NEGR1: variants seen among roughly 807,000 people sequenced by gnomAD.
NEGR1 encodes the protein neuronal growth regulator 1, also known as IgLON family member 4.
Under a neutral mutation model 40.9 loss-of-function variants are expected in NEGR1, and 10 were observed. The observed-to-expected ratio is 0.24, with a 90% confidence interval of 0.15 to 0.42. NEGR1 has a LOEUF of 0.42. Among genes scored for constraint, NEGR1 ranks in the 10% least tolerant of loss-of-function variants. The pLI is 1.00. For synonymous variants in NEGR1, 185 were observed against 166.8 expected, an observed-to-expected ratio of 1.11 and a Z score of -0.84; for missense variants, 352 against 438.9, an observed-to-expected ratio of 0.80 and a Z score of 1.77.
intron 1 of NEGR1, among the ~76,000 whole-genome samples, chr1:72,043,869 G>T (rs761073669): frequency 1.3e-5 from 2 of 151,730 alleles, no homozygotes; most frequent in Non-Finnish European, 2.9e-5. Context: ...GGATATTTTG[G>T]TTGGACTTCC....
chr1:71,636,912 T>C (rs949148083), intron 4 of NEGR1, among the ~76,000 whole-genome samples: 1 of 152,034 alleles, frequency 6.6e-6, no homozygotes, highest in Non-Finnish European at 1.5e-5. Context: ...GCCCAATACT[T>C]TGAAGTCACG....
At chr1:71,673,422 T>G (rs946330129) in intron 4 of NEGR1, among the ~76,000 whole-genome samples, 1 of 152,186 alleles carries the variant, frequency 6.6e-6, no homozygotes, top group African/African-American at 2.4e-5. Flanking sequence ...TGTCTGACAC[T>G]GAAGATACAC....
chr1:72,222,718 T>C (rs1654054590), intron 1 of NEGR1, among the ~76,000 whole-genome samples: 1 of 152,152 alleles, frequency 6.6e-6, no homozygotes, highest in Non-Finnish European at 1.5e-5. Context: ...CTTCAGAAGC[T>C]GAGGCAAAAA....
chr1:71,777,645 C>T (rs1201924723), intron 2 of NEGR1, among the ~76,000 whole-genome samples: 1 of 151,886 alleles, frequency 6.6e-6, no homozygotes, highest in Non-Finnish European at 1.5e-5. Context: ...TTTCTTTATG[C>T]AAGAGACATG....
intron 2 of NEGR1, among the ~76,000 whole-genome samples, chr1:71,852,186 A>G (rs1409444184): frequency 1.3e-5 from 2 of 152,170 alleles, no homozygotes; most frequent in South Asian, 2.1e-4. Flanking sequence ...TCAATGCTAC[A>G]TAATAAGAGA....
At chr1:71,636,634 G>C (rs1007828695) in intron 4 of NEGR1, among the ~76,000 whole-genome samples, 1 of 152,082 alleles carries the variant, frequency 6.6e-6, no homozygotes, top group Non-Finnish European at 1.5e-5. Flanking sequence ...TTATCAAATA[G>C]TATGCTGCAG....
intron 4 of NEGR1, among the ~76,000 whole-genome samples, chr1:71,623,264 T>A (rs909371542): frequency 3.0e-4 from 46 of 151,976 alleles, no homozygotes; most frequent in African/African-American, 1.1e-3. Flanking sequence ...ACAGAAAATA[T>A]GTTAAGCGAA....
rs1569850557 is a variant in NEGR1, at chr1:72,030,355, C to T, written c.177-95044G>A. Reference sequence around the variant, plus strand: ...TGGAGTAGCTGGGATTACAGGTGCCCACCACCATGCCCGGCTAATAACTAC... The same window carrying T: ...TGGAGTAGCTGGGATTACAGGTGCCTACCACCATGCCCGGCTAATAACTAC... On this transcript the variant is annotated intron_variant, in intron 1 of 6. Transcript: ENST00000357731. 3.3e-5 allele frequency among the ~76,000 whole-genome samples: 5 copies of T among 152,056 alleles called. No individual in the cohort carries two copies. The South Asian group carries it at 1.0e-3, about 32-fold the overall frequency.
intron 4 of NEGR1, among the ~76,000 whole-genome samples, chr1:71,678,788 T>A (rs1468979721): frequency 6.6e-6 from 1 of 152,132 alleles, no homozygotes; most frequent in Non-Finnish European, 1.5e-5. Context: ...CATGATGTAT[T>A]CAGAGTTTTT....
At position 71,400,354 on chromosome 1, in the gene NEGR1, A is replaced by G. The variant is rs1488008578; in HGVS notation, c.*7092T>C. ...CATTATCATAGTATTTGGTTGATGAATTATTGCTATCTCAACTGTTACTTC... is the reference window on the plus strand; with the variant it reads ...CATTATCATAGTATTTGGTTGATGAGTTATTGCTATCTCAACTGTTACTTC... On this transcript the variant is annotated 3_prime_UTR_variant, in exon 7 of 7. Coordinates refer to ENST00000357731, the MANE Select transcript of NEGR1 (RefSeq NM_173808.3). 2.6e-5 allele frequency: 4 copies of G among 152,054 alleles called. No individual in the cohort carries two copies. Among genetic ancestry groups the G allele is most frequent in the Non-Finnish European group, 4.4e-5 (3 of 68,006 alleles). 9.4% of individuals were successfully genotyped at this position (152,054 alleles called of 1,614,324 possible).
chr1:71,999,946 C>G (rs2100379088), intron 1 of NEGR1, among the ~76,000 whole-genome samples: 1 of 151,626 alleles, frequency 6.6e-6, no homozygotes. Context: ...CCATGCATAT[C>G]CATATTACAA....
intron 1 of NEGR1, among the ~76,000 whole-genome samples, chr1:71,949,206 G>T (rs1646047472): frequency 1.3e-5 from 2 of 152,094 alleles, no homozygotes; most frequent in Non-Finnish European, 2.9e-5. Flanking sequence ...TTGTGAGATG[G>T]ACTGAAATGT....
At position 71,930,233 on chromosome 1, in the gene NEGR1, T is replaced by C. The variant is rs549552633; in HGVS notation, c.409+4846A>G. Reference sequence around the variant, plus strand: ...AAGCCTTATGAATGAATGCTATGTGTACCAAAGAGATGTTCCTTATACCTC... The same window carrying C: ...AAGCCTTATGAATGAATGCTATGTGCACCAAAGAGATGTTCCTTATACCTC... On this transcript the variant is annotated intron_variant, in intron 2 of 6. Coordinates refer to ENST00000357731, the MANE Select transcript of NEGR1 (RefSeq NM_173808.3). Among the ~76,000 whole-genome samples the C allele has an allele frequency of 4.9e-4, 74 of 152,296 alleles. 1 individual carries two copies. The highest frequency in any genetic ancestry group is 1.7e-3 in the African/African-American group (71 of 41,574).
intron 1 of NEGR1, among the ~76,000 whole-genome samples, chr1:72,224,490 T>C (rs1430889151): frequency 5.9e-5 from 9 of 152,110 alleles, no homozygotes; most frequent in Admixed American, 5.9e-4. Flanking sequence ...ACTAAATTAT[T>C]TGCTGTTTAC....
intron 6 of NEGR1, chr1:71,468,740 T>G (rs1355488736): frequency 6.6e-6 from 1 of 152,052 alleles, no homozygotes; most frequent in African/African-American, 2.4e-5. Flanking sequence ...GTAAATGCAA[T>G]GGCCACTCTT....
chr1:71,950,387 A>G (rs955553958), intron 1 of NEGR1, among the ~76,000 whole-genome samples: 1 of 152,088 alleles, frequency 6.6e-6, no homozygotes, highest in Non-Finnish European at 1.5e-5. Context: ...AGAAGGAAAG[A>G]AAAAAGAATG....
chr1:71,942,455 C>CTATCTATATATATATATATATATA (rs1342537095), intron 1 of NEGR1, among the ~76,000 whole-genome samples: 1 of 21,298 alleles, frequency 4.7e-5, no homozygotes, highest in Non-Finnish European at 8.1e-5. Flanking sequence ...TTCTTTAAAT[C>CTATCTATATATATATATATATATA]TATATATATA....
intron 2 of NEGR1, among the ~76,000 whole-genome samples, chr1:71,818,131 C>T (rs772465907): frequency 1.3e-5 from 2 of 151,876 alleles, no homozygotes; most frequent in African/African-American, 4.8e-5. Flanking sequence ...AACGGTGTAG[C>T]GATTCCTCAA....
intron 3 of NEGR1, among the ~76,000 whole-genome samples, chr1:71,755,368 G>T (rs1010005394): frequency 2.0e-5 from 3 of 152,052 alleles, no homozygotes; most frequent in African/African-American, 7.2e-5. Flanking sequence ...TCTGCAACTC[G>T]TTCTCTACAT....
Sources: gnomAD v4.1 joint callset for allele counts (sites outside exome capture counted in the v4.1 genomes callset) on GRCh38, gnomAD v4.1.1 for gene constraint, MANE v1.5 for transcripts, NCBI Gene and HGNC (gene_info 2026-07-23, HGNC 2026-07-21) for gene names.